The following NTM variants were observed in gnomAD, a reference collection of about 807,000 sequenced individuals.
NTM encodes IgLON family member 2.
A neutral mutation model predicts 42.1 loss-of-function variants in NTM; 13 were observed. The ratio of observed to expected loss-of-function variants is 0.31; its 90% CI spans 0.20 to 0.49. NTM has a LOEUF of 0.49. Ranked by LOEUF, NTM falls within the 20% of genes least tolerant of loss-of-function variation. The pLI is 0.99. For missense variants in NTM, 373 were observed against 452.8 expected (o/e 0.82, Z 1.60); for synonymous variants, 187 against 179.2 (o/e 1.04, Z -0.35).
In NTM at chr11:131,662,234, C is replaced by T. The variant is rs534228590; in HGVS notation, c.83-249330C>T. On this transcript the variant is annotated intron_variant, in intron 1 of 8. Coordinates refer to ENST00000683400, the MANE Select transcript of NTM (RefSeq NM_001352005.2). ...CAAAGAGGGAGGATAAAAGAAAACTCAAAACCCAGCTTCCCCCTCTAAATT... is the reference window on the plus strand; with the variant it reads ...CAAAGAGGGAGGATAAAAGAAAACTTAAAACCCAGCTTCCCCCTCTAAATT... 7.9e-5 allele frequency: 12 copies of T among 152,316 alleles called. No homozygotes were observed. The East Asian group carries it at 2.3e-3, about 29-fold the overall frequency. The allele number at this position is 152,316 out of a possible 1,614,324, so 9.4% of individuals were successfully genotyped here.
chr11:131,764,452 G>T (rs1248358255), intron 1 of NTM, among the ~76,000 whole-genome samples: 1 of 152,130 alleles, frequency 6.6e-6, no homozygotes, highest in African/African-American at 2.4e-5. Flanking sequence ...CCCGAGATGT[G>T]TTTGGAAAGC....
rs1357839034 is a variant in NTM, at chr11:131,392,113, A to G, written c.82+21225A>G. ...AGTAGAGGCCTTTGTAGTTTGGTTA[A>G]TGGAGTCTTTTTTCCTAGTGGTCTA... On this transcript the variant is annotated intron_variant, in intron 1 of 8. Coordinates refer to ENST00000683400, the MANE Select transcript of NTM (RefSeq NM_001352005.2). Among the ~76,000 whole-genome samples the G allele has an allele frequency of 3.3e-5, 5 of 152,376 alleles. No homozygotes were observed. In the South Asian group the frequency reaches 1.0e-3, roughly 32 times the overall value.
At chr11:132,134,733 A>G (rs773300816) in intron 2 of NTM, among the ~76,000 whole-genome samples, 2,118 of 77,534 alleles carry the variant, frequency 0.027, 196 homozygotes, top group African/African-American at 0.069. Flanking sequence ...ATATATATAT[A>G]TATATATATA....
At chr11:131,732,128 A>G (rs551262971) in intron 1 of NTM, among the ~76,000 whole-genome samples, 1 of 152,324 alleles carries the variant, frequency 6.6e-6, no homozygotes, top group South Asian at 2.1e-4. Flanking sequence ...TAGGGCTGTC[A>G]TGAGAATTAA....
rs1402646202 is a variant in NTM at position 131,770,667 on chromosome 11, A to T, written c.83-140897A>T. Reference sequence around the variant, plus strand: ...CACGTGCAGAAATCCCTAAATTCTGAGCTTCACGAAACTGAGCTAGATCTG... The same window carrying T: ...CACGTGCAGAAATCCCTAAATTCTGTGCTTCACGAAACTGAGCTAGATCTG... On this transcript the variant is annotated intron_variant, in intron 1 of 8. Transcript: ENST00000683400. 2.6e-5 allele frequency: 4 copies of T among 152,312 alleles called. No individual in the cohort carries two copies. The East Asian group carries it at 7.7e-4, about 29-fold the overall frequency. 9.4% of individuals were successfully genotyped at this position (152,312 alleles called of 1,614,324 possible). A position where few individuals can be genotyped will look rare whatever the true frequency, so the allele number is the denominator to read the frequency against.
intron 1 of NTM, among the ~76,000 whole-genome samples, chr11:131,377,193 C>T (rs1002460610): frequency 1.3e-5 from 2 of 152,162 alleles, no homozygotes; most frequent in African/African-American, 4.8e-5. Flanking sequence ...GTTCTCATAA[C>T]ACAGAGATGC....
At chr11:132,039,545 T>C (rs1183244626) in intron 2 of NTM, among the ~76,000 whole-genome samples, 2 of 151,780 alleles carry the variant, frequency 1.3e-5, no homozygotes, top group Non-Finnish European at 2.9e-5. Context: ...TTGCTTTCAC[T>C]CTCAGAAGCC....
intron 2 of NTM, among the ~76,000 whole-genome samples, chr11:132,046,778 C>T (rs1389063596): frequency 6.6e-6 from 1 of 152,190 alleles, no homozygotes; most frequent in Non-Finnish European, 1.5e-5. Context: ...ACAGAGATCA[C>T]AGCTGAGCAC....
intron 4 of NTM, among the ~76,000 whole-genome samples, chr11:132,289,549 A>G (rs1310672488): frequency 6.6e-6 from 1 of 152,184 alleles, no homozygotes; most frequent in Non-Finnish European, 1.5e-5. Context: ...TATTAGCACC[A>G]TACTCCATCC....
intron 4 of NTM, among the ~76,000 whole-genome samples, chr11:132,239,435 T>C (rs1566552563): frequency 6.6e-6 from 1 of 152,224 alleles, no homozygotes; most frequent in Admixed American, 6.5e-5. Context: ...AAATGGTTTA[T>C]TAGAAAATTC....
chr11:132,132,081 A>G (rs1014242615), intron 2 of NTM, among the ~76,000 whole-genome samples: 1 of 151,804 alleles, frequency 6.6e-6, no homozygotes, highest in Admixed American at 6.6e-5. Context: ...TTACTTTGGA[A>G]TGAACCAGCT....
intron 1 of NTM, among the ~76,000 whole-genome samples, chr11:131,412,922 T>C (rs1307940648): frequency 2.0e-5 from 3 of 152,164 alleles, no homozygotes; most frequent in Admixed American, 6.5e-5. Flanking sequence ...TTGTCATCAA[T>C]GGTTTTAGAT....
chr11:132,069,316 C>CCGGTT (rs1566074778), intron 2 of NTM, among the ~76,000 whole-genome samples: 37 of 149,744 alleles, frequency 2.5e-4, no homozygotes, highest in African/African-American at 8.7e-4. Flanking sequence ...CTGACCATCA[C>CCGGTT]AGGTTAGTTA....
chr11:132,155,748 GAGAA>G (rs2073046139), intron 3 of NTM, among the ~76,000 whole-genome samples: 1 of 152,334 alleles, frequency 6.6e-6, no homozygotes, highest in Non-Finnish European at 1.5e-5. Flanking sequence ...TTCCTACTCT[GAGAA>G]AGAAAGATGA....
intron 1 of NTM, among the ~76,000 whole-genome samples, chr11:131,568,968 G>A (rs775532212): frequency 3.3e-5 from 5 of 151,942 alleles, no homozygotes; most frequent in Non-Finnish European, 7.4e-5. Context: ...CACACACTTG[G>A]CTTTTAGTAT....
At chr11:131,956,601 G>A (rs1361283965) in intron 2 of NTM, among the ~76,000 whole-genome samples, 1 of 152,002 alleles carries the variant, frequency 6.6e-6, no homozygotes, top group Non-Finnish European at 1.5e-5. Flanking sequence ...GGTGTCTCGG[G>A]GGGTTGGGGG....
chr11:131,941,028 C>T (rs566204892), intron 2 of NTM, among the ~76,000 whole-genome samples: 19 of 152,266 alleles, frequency 1.2e-4, no homozygotes, highest in African/African-American at 3.9e-4. Flanking sequence ...CATGGCAGTG[C>T]GCATAGGGCA....
At chr11:131,466,196 G>A (rs1331572581) in intron 1 of NTM, among the ~76,000 whole-genome samples, 3 of 152,254 alleles carry the variant, frequency 2.0e-5, no homozygotes, top group African/African-American at 7.2e-5. Flanking sequence ...TCAAGGGGCA[G>A]AGAGAAGAAA....
chr11:131,836,620 C>T (rs1223380429), intron 1 of NTM, among the ~76,000 whole-genome samples: 3 of 152,202 alleles, frequency 2.0e-5, no homozygotes, highest in Non-Finnish European at 4.4e-5. Context: ...GTATGCTTCT[C>T]TCCATGTCAT....
Sources: allele counts gnomAD v4.1 joint callset (sites outside exome capture counted in the v4.1 genomes callset), GRCh38; gene constraint gnomAD v4.1.1; transcripts MANE v1.5; gene names NCBI Gene and HGNC (gene_info 2026-07-23, HGNC 2026-07-21).